Variants in DRC11 observed in about 807,000 individuals in gnomAD.
DRC11 encodes dynein regulatory complex subunit 11.
the DRC11 span, chr2:236,486,836 A>G: frequency 6.2e-7 from 1 of 1,608,314 alleles, no homozygotes; most frequent in Non-Finnish European, 8.5e-7. This position sits in a 1 kb window ranked among gnomAD's most constrained non-coding sequence, Gnocchi z 5.7. Context: ...TACCATACCC[A>G]GGAAGATCAT....
chr2:236,368,676 G>C, the DRC11 span: 1 of 174,718 alleles, frequency 5.7e-6, no homozygotes, highest in East Asian at 1.7e-4. Context: ...TATTCCAATA[G>C]ATTATGTATA....
chr2:236,368,245 A>AGGGC, the DRC11 span: 1 of 1,611,306 alleles, frequency 6.2e-7, no homozygotes. Flanking sequence ...TCCAGGAGGG[A>AGGGC]GGGCATGGGT....
the DRC11 span, among the ~76,000 whole-genome samples, chr2:236,502,543 T>C: frequency 3.6e-5 from 2 of 54,888 alleles, no homozygotes; most frequent in African/African-American, 2.9e-4. Flanking sequence ...ACCACTGCAC[T>C]CCAGCAAAAA....
At chr2:236,473,794 T>A in the DRC11 span, among the ~76,000 whole-genome samples, 2 of 151,482 alleles carry the variant, frequency 1.3e-5, no homozygotes, top group African/African-American at 4.9e-5. The surrounding 1 kb of genome is among the most constrained non-coding windows in gnomAD (Gnocchi z 4.8). Context: ...AAAAAAAAAA[T>A]TTATATGACA....
At chr2:236,375,445 T>G in the DRC11 span, among the ~76,000 whole-genome samples, 1 of 152,178 alleles carries the variant, frequency 6.6e-6, no homozygotes, top group Non-Finnish European at 1.5e-5. The surrounding 1 kb of genome is among the most constrained non-coding windows in gnomAD (Gnocchi z 4.2). Context: ...TTTTAAAATA[T>G]TAACAGAATT....
At chr2:236,451,169 T>A in the DRC11 span, among the ~76,000 whole-genome samples, 2 of 152,184 alleles carry the variant, frequency 1.3e-5, no homozygotes, top group Admixed American at 1.3e-4. Context: ...AGTATTCATT[T>A]TTATTTCCTT....
At chr2:236,491,240 T>TATATATATATATAC in the DRC11 span, among the ~76,000 whole-genome samples, 117 of 52,520 alleles carry the variant, frequency 2.2e-3, 6 homozygotes, top group Non-Finnish European at 3.2e-3. Context: ...TATATATATA[T>TATATATATATATAC]ACACAGTATA....
the DRC11 span, among the ~76,000 whole-genome samples, chr2:236,420,651 A>C: frequency 6.3e-3 from 952 of 152,196 alleles, 10 homozygotes; most frequent in African/African-American, 0.022. The surrounding 1 kb of genome is among the most constrained non-coding windows in gnomAD (Gnocchi z 4.8). Context: ...ACAAAAAAAA[A>C]CACAAAACAT....
At chr2:236,403,440 CA>C in the DRC11 span, among the ~76,000 whole-genome samples, 1 of 151,564 alleles carries the variant, frequency 6.6e-6, no homozygotes, top group South Asian at 2.1e-4. Context: ...GGCTTATGAG[CA>C]GGGCAGCTAC....
At chr2:236,433,691 A>G in the DRC11 span, among the ~76,000 whole-genome samples, 1 of 152,168 alleles carries the variant, frequency 6.6e-6, no homozygotes, top group Admixed American at 6.5e-5. Flanking sequence ...TTTTCTAAGT[A>G]TTGAACATAT....
chr2:236,372,068 C>T, the DRC11 span, among the ~76,000 whole-genome samples: 4 of 152,084 alleles, frequency 2.6e-5, no homozygotes, highest in Non-Finnish European at 5.9e-5. The surrounding 1 kb of genome is among the most constrained non-coding windows in gnomAD (Gnocchi z 4.5). Flanking sequence ...ACCCTTTTCC[C>T]GTTTGCCCTG....
chr2:236,367,883 G>A, the DRC11 span: 8 of 369,110 alleles, frequency 2.2e-5, no homozygotes, highest in African/African-American at 6.3e-5. This position sits in a 1 kb window ranked among gnomAD's most constrained non-coding sequence, Gnocchi z 4.8. Flanking sequence ...GCCCTAGCCC[G>A]TTCTCTAATT....
chr2:236,476,199 G>A, the DRC11 span, among the ~76,000 whole-genome samples: 121 of 152,144 alleles, frequency 8.0e-4, 1 homozygote, highest in African/African-American at 2.8e-3. The surrounding 1 kb of genome is among the most constrained non-coding windows in gnomAD (Gnocchi z 4.7). Context: ...CAATCCATGA[G>A]CATGGAATAT....
chr2:236,350,240 G>A, the DRC11 span, among the ~76,000 whole-genome samples: 1 of 152,134 alleles, frequency 6.6e-6, no homozygotes, highest in Non-Finnish European at 1.5e-5. The surrounding 1 kb of genome is among the most constrained non-coding windows in gnomAD (Gnocchi z 5.2). Context: ...TTCCTTTAAC[G>A]TGTAGCTCCT....
the DRC11 span, among the ~76,000 whole-genome samples, chr2:236,370,731 G>A: frequency 6.6e-6 from 1 of 151,726 alleles, no homozygotes; most frequent in Admixed American, 6.6e-5. The surrounding 1 kb of genome is among the most constrained non-coding windows in gnomAD (Gnocchi z 5.5). Context: ...GATTGTGGCA[G>A]GTGCTTGCTG....
At chr2:236,507,262 C>G in the DRC11 span, 1 of 1,614,020 alleles carries the variant, frequency 6.2e-7, no homozygotes, top group East Asian at 2.2e-5. Flanking sequence ...CTTACGCGTT[C>G]GACATTGCTG....
chr2:236,392,494 A>G, the DRC11 span: 3 of 484,830 alleles, frequency 6.2e-6, no homozygotes, highest in South Asian at 1.2e-4. The surrounding 1 kb of genome is among the most constrained non-coding windows in gnomAD (Gnocchi z 5.1). Flanking sequence ...GCATAGGATA[A>G]AAGTTTGAAT....
the DRC11 span, among the ~76,000 whole-genome samples, chr2:236,311,693 GGTGCGT>G: frequency 2.9e-5 from 4 of 136,446 alleles, no homozygotes; most frequent in East Asian, 8.6e-4. This position sits in a 1 kb window ranked among gnomAD's most constrained non-coding sequence, Gnocchi z 6.9. Context: ...AGCTGGATGG[GGTGCGT>G]GTGTGTGTGT....
chr2:236,392,533 T>C, the DRC11 span: 1 of 401,752 alleles, frequency 2.5e-6, no homozygotes, highest in African/African-American at 2.1e-5. This position sits in a 1 kb window ranked among gnomAD's most constrained non-coding sequence, Gnocchi z 5.1. Flanking sequence ...GAGATTCATA[T>C]ATGTGCTTGT....
Sources: gnomAD v4.1 joint callset for allele counts (sites outside exome capture counted in the v4.1 genomes callset) on GRCh38, gnomAD v4.1.1 for gene constraint, Gnocchi (gnomAD v3.1) non-coding constraint, MANE v1.5 for transcripts, NCBI Gene and HGNC (gene_info 2026-07-23, HGNC 2026-07-21) for gene names.